The following PHC3 variants were observed in gnomAD, a reference collection of about 807,000 sequenced individuals.
PHC3 encodes polyhomeotic-like protein 3.
PHC3 carries 13 observed loss-of-function variants against 107.4 expected under a neutral mutation model. The ratio of observed to expected loss-of-function variants is 0.12; its 90% CI spans 0.08 to 0.19. The LOEUF is 0.19. Ranked by LOEUF, PHC3 falls within the 10% of genes least tolerant of loss-of-function variation. PHC3 has a pLI of 1.00. For missense variants in PHC3, 992 were observed against 1,210.9 expected (o/e 0.82, Z 2.68); for synonymous variants, 456 against 427.4 (o/e 1.07, Z -0.83).
chr3:170,131,145 T>TAAAAAAAAAAA (rs35021791), intron 7 of PHC3, among the ~76,000 whole-genome samples: 1 of 136,364 alleles, frequency 7.3e-6, no homozygotes. Flanking sequence ...CACTAATTGT[T>TAAAAAAAAAAA]AAAAAAAAAA....
In PHC3 at chr3:170,094,174, G is replaced by A. The variant is rs915437659; in HGVS notation, c.*3056C>T. The A allele has an allele frequency of 2.0e-5, 3 of 152,128 alleles. No homozygotes were observed. Among genetic ancestry groups the A allele is most frequent in the African/African-American group, 4.8e-5 (2 of 41,424 alleles). The allele number at this position is 152,128 out of a possible 1,614,324, so 9.4% of individuals were successfully genotyped here. A position where few individuals can be genotyped will look rare whatever the true frequency, so the allele number is the denominator to read the frequency against. Reference sequence around the variant, plus strand: ...ACTTAAAAAGTGACAGGAGGATTTGGGACAACACTCTATCTCATACTATAT... The same window carrying A: ...ACTTAAAAAGTGACAGGAGGATTTGAGACAACACTCTATCTCATACTATAT... On this transcript the variant is annotated 3_prime_UTR_variant, in exon 15 of 15. Transcript: ENST00000495893.
Position 170,095,649 on chromosome 3 carries a change from G to C in PHC3, c.*1581C>G, listed in dbSNP as rs1310208251. 6.6e-6 allele frequency: 1 copy of C among 151,930 alleles called. No individual in the cohort carries two copies. The highest frequency in any genetic ancestry group is 1.5e-5 in the Non-Finnish European group (1 of 68,004). The allele number at this position is 151,930 out of a possible 1,614,324, so 9.4% of individuals were successfully genotyped here. The stretch of plus-strand genomic sequence containing the variant: ...TACTCGACTTCTGCCAAATATCTGT[G>C]TATGTTCCTTCAATTACTAAAATAT... On this transcript the variant is annotated 3_prime_UTR_variant, in exon 15 of 15. Coordinates refer to ENST00000495893, the MANE Select transcript of PHC3 (RefSeq NM_024947.4).
rs760164597 is a variant in PHC3, at chr3:170,102,524, T to A, written c.2788A>T (p.Ile930Leu). The change falls in exon 14 of 15, where the codon ATA (isoleucine) becomes TTA (leucine). Residue 930 changes from isoleucine to leucine, a missense_variant. Ile to Leu is a conservative substitution (Grantham distance 5). Coordinates refer to ENST00000495893, the MANE Select transcript of PHC3 (RefSeq NM_024947.4). Reference sequence around the variant, plus strand: ...GCCCAGACATCATCAACTGTCCATATAGATGGCTCTGTTTGTGCAACTGGT... The same window carrying A: ...GCCCAGACATCATCAACTGTCCATAAAGATGGCTCTGTTTGTGCAACTGGT... ...LLPVAQTEPS[I>L]WTVDDVWAFI... The A allele has an allele frequency of 6.2e-7, 1 of 1,613,732 alleles. No individual in the cohort carries two copies. Among genetic ancestry groups the A allele is most frequent in the African/African-American group, 1.3e-5 (1 of 74,930 alleles).
intron 14 of PHC3, among the ~76,000 whole-genome samples, chr3:170,101,737 T>C (rs1715511750): frequency 6.6e-6 from 1 of 152,150 alleles, no homozygotes; most frequent in African/African-American, 2.4e-5. Context: ...CTGTCTTTAG[T>C]AGCCAGCCCC....
intron 8 of PHC3, among the ~76,000 whole-genome samples, chr3:170,123,666 G>A (rs546108419): frequency 2.0e-5 from 3 of 151,628 alleles, no homozygotes; most frequent in South Asian, 4.2e-4. Context: ...GGTGGCGGGC[G>A]CCTGTAGTTC....
chr3:170,116,111 G>A lies in PHC3; in HGVS notation c.2193+1115C>T, dbSNP rs139374307. On this transcript the variant is annotated intron_variant, in intron 10 of 14. Transcript: ENST00000495893. ...ATTATGTACAGCTTAGCTTCAAGTT[G>A]TAAGACCTGTAGTGATAGAGGACCT... is the stretch of plus-strand genomic sequence containing the variant. 1.8e-4 allele frequency among the ~76,000 whole-genome samples: 28 copies of A among 152,304 alleles called. 2 individuals carry two copies. The East Asian group carries it at 5.2e-3, about 28-fold the overall frequency.
At chr3:170,178,989 C>T (rs1730971392) in intron 1 of PHC3, 51 bp from the exon 2 acceptor site, 16 of 1,482,490 alleles carry the variant, frequency 1.1e-5, no homozygotes, top group Non-Finnish European at 1.5e-5. Flanking sequence ...ATCTTATGAG[C>T]TTTAAAGAAT....
intron 10 of PHC3, among the ~76,000 whole-genome samples, chr3:170,115,061 T>C (rs1718635429): frequency 6.6e-6 from 1 of 152,220 alleles, no homozygotes; most frequent in South Asian, 2.1e-4. Context: ...AAGAGTCTTA[T>C]GAATATCTAT....
chr3:170,158,385 C>T (rs1008777044), intron 4 of PHC3, among the ~76,000 whole-genome samples: 4 of 151,724 alleles, frequency 2.6e-5, no homozygotes, highest in Admixed American at 2.0e-4. Context: ...AGGCGAATCA[C>T]GAGGTCAGAA....
intron 9 of PHC3, among the ~76,000 whole-genome samples, chr3:170,117,967 T>A (rs1385917787): frequency 6.6e-6 from 1 of 152,232 alleles, no homozygotes; most frequent in East Asian, 1.9e-4. Context: ...GAGCCAAGAC[T>A]GTGCCACTGC....
chr3:170,128,538 A>C, intron 8 of PHC3, 146 bp downstream of exon 8: 2 of 1,178,900 alleles, frequency 1.7e-6, no homozygotes, highest in Non-Finnish European at 2.3e-6. Flanking sequence ...TTGCCCATAC[A>C]GCATGTTTGT....
chr3:170,153,455 T>C (rs1235158804), intron 4 of PHC3, among the ~76,000 whole-genome samples: 1 of 152,178 alleles, frequency 6.6e-6, no homozygotes, highest in African/African-American at 2.4e-5. Context: ...ATTATTAATA[T>C]TAATTACCCA....
rs879010324 is a variant in PHC3, at chr3:170,094,597, C to G, written c.*2633G>C. 6.6e-6 allele frequency: 1 copy of G among 152,090 alleles called. No homozygotes were observed. Among genetic ancestry groups the G allele is most frequent in the Admixed American group, 6.6e-5 (1 of 15,252 alleles). The allele number at this position is 152,090 out of a possible 1,614,324, so 9.4% of individuals were successfully genotyped here. A position where few individuals can be genotyped will look rare whatever the true frequency, so the allele number is the denominator to read the frequency against. ...GAGAGAGGTGGATGCTCAGTGTTGT[C>G]TATATATCCATTATATATAGCTGAA... On this transcript the variant is annotated 3_prime_UTR_variant, in exon 15 of 15. Coordinates refer to ENST00000495893, the MANE Select transcript of PHC3 (RefSeq NM_024947.4).
chr3:170,163,349 A>G (rs1728202144), intron 4 of PHC3, among the ~76,000 whole-genome samples: 1 of 152,180 alleles, frequency 6.6e-6, no homozygotes, highest in Admixed American at 6.6e-5. Context: ...CCAAAATGCA[A>G]CAAGGAAAGA....
At chr3:170,144,812 C>A (rs1432627711) in intron 6 of PHC3, among the ~76,000 whole-genome samples, 14 of 148,578 alleles carry the variant, frequency 9.4e-5, no homozygotes, top group Admixed American at 7.9e-4. Flanking sequence ...CTCGAGCAAT[C>A]CTCCTGCCTC....
chr3:170,162,878 T>G (rs1728110983), intron 4 of PHC3, among the ~76,000 whole-genome samples: 1 of 152,232 alleles, frequency 6.6e-6, no homozygotes, highest in Admixed American at 6.5e-5. Context: ...TTCTGTTCCC[T>G]GTGCATGTCT....
chr3:170,149,026 G>A, intron 5 of PHC3, 60 bp downstream of exon 5: 1 of 1,489,700 alleles, frequency 6.7e-7, no homozygotes, highest in Non-Finnish European at 9.2e-7. Flanking sequence ...ATCAAATCAA[G>A]AAACATTTTG....
chr3:170,172,209 T>C (rs1347246103), intron 3 of PHC3, among the ~76,000 whole-genome samples: 3 of 152,096 alleles, frequency 2.0e-5, no homozygotes, highest in Non-Finnish European at 4.4e-5. Context: ...TTTTAATGAG[T>C]ATAATTACTT....
At chr3:170,128,244 A>C (rs1721672696) in intron 8 of PHC3, 5 of 543,570 alleles carry the variant, frequency 9.2e-6, no homozygotes, top group Non-Finnish European at 1.3e-5. Context: ...AAAGCCCAAG[A>C]CTCTAGGATG....
Sources: gnomAD v4.1 joint callset for allele counts (sites outside exome capture counted in the v4.1 genomes callset) on GRCh38, gnomAD v4.1.1 for gene constraint, MANE v1.5 for transcripts, NCBI Gene and HGNC (gene_info 2026-07-23, HGNC 2026-07-21) for gene names.